Variants in GALNTL6 observed in about 807,000 individuals in gnomAD.
The protein encoded by GALNTL6 is polypeptide N-acetylgalactosaminyltransferase like 6.
Under a neutral mutation model 73.7 loss-of-function variants are expected in GALNTL6, and 46 were observed. The observed-to-expected ratio is 0.62, with a 90% CI of 0.49 to 0.80. GALNTL6 has a LOEUF of 0.80. Ranked by LOEUF, GALNTL6 falls within the 30% of genes least tolerant of loss-of-function variation. GALNTL6 has a pLI of 0.00. For missense variants in GALNTL6, 604 were observed against 755.0 expected, an observed-to-expected ratio of 0.80 and a Z score of 2.34; for synonymous variants, 259 against 263.7, an observed-to-expected ratio of 0.98 and a Z score of 0.17.
intron 2 of GALNTL6, among the ~76,000 whole-genome samples, chr4:172,010,579 T>C (rs1740976507): frequency 8.7e-6 from 1 of 115,588 alleles, no homozygotes; most frequent in Non-Finnish European, 1.8e-5. Flanking sequence ...AGAATGCATT[T>C]GCTATTATTA....
intron 5 of GALNTL6, among the ~76,000 whole-genome samples, chr4:172,803,943 A>G (rs1045198118): frequency 2.6e-5 from 4 of 152,170 alleles, no homozygotes; most frequent in Admixed American, 1.3e-4. Context: ...ATGCTATCAA[A>G]AGGGACTGAT....
At chr4:172,369,053 G>C (rs897094182) in intron 5 of GALNTL6, among the ~76,000 whole-genome samples, 1 of 152,150 alleles carries the variant, frequency 6.6e-6, no homozygotes, top group Non-Finnish European at 1.5e-5. Flanking sequence ...TGCCACTGCA[G>C]GCTCAGGCAG....
chr4:172,675,445 G>T (rs1263701141), intron 5 of GALNTL6, among the ~76,000 whole-genome samples: 1 of 152,230 alleles, frequency 6.6e-6, no homozygotes, highest in African/African-American at 2.4e-5. Flanking sequence ...CAATGCAGCT[G>T]CTGGGGGCAG....
At chr4:172,640,903 G>A (rs1001493779) in intron 5 of GALNTL6, among the ~76,000 whole-genome samples, 10 of 151,956 alleles carry the variant, frequency 6.6e-5, no homozygotes, top group African/African-American at 2.4e-4. Context: ...TCATATATAT[G>A]ATAGTTTTAA....
chr4:172,963,615 A>ACCTG (rs1217164422), intron 10 of GALNTL6, among the ~76,000 whole-genome samples: 1 of 152,134 alleles, frequency 6.6e-6, no homozygotes, highest in African/African-American at 2.4e-5. Context: ...CTGTTGTCCC[A>ACCTG]CCTGCCATTC....
chr4:172,763,553 T>C (rs1309836423), intron 5 of GALNTL6, among the ~76,000 whole-genome samples: 1 of 152,222 alleles, frequency 6.6e-6, no homozygotes, highest in Non-Finnish European at 1.5e-5. Flanking sequence ...ATGAACTAAG[T>C]AGACGAATAA....
chr4:172,339,837 A>G (rs1182187715), intron 4 of GALNTL6, among the ~76,000 whole-genome samples: 2 of 152,152 alleles, frequency 1.3e-5, no homozygotes, highest in Non-Finnish European at 2.9e-5. Flanking sequence ...CTGTTTGCAC[A>G]TGGTCTTCTT....
intron 2 of GALNTL6, among the ~76,000 whole-genome samples, chr4:171,908,523 G>A (rs561916185): frequency 6.6e-6 from 1 of 152,116 alleles, no homozygotes; most frequent in Non-Finnish European, 1.5e-5. Context: ...TGGAGAAATA[G>A]GAACACTTTT....
At chr4:172,991,215 T>A (rs1399622560) in intron 10 of GALNTL6, among the ~76,000 whole-genome samples, 1 of 152,200 alleles carries the variant, frequency 6.6e-6, no homozygotes, top group Non-Finnish European at 1.5e-5. Context: ...CAAGATCCAA[T>A]AAAGACAGTA....
chr4:171,986,820 A>C (rs1740107442), intron 2 of GALNTL6, among the ~76,000 whole-genome samples: 1 of 152,184 alleles, frequency 6.6e-6, no homozygotes, highest in African/African-American at 2.4e-5. Context: ...CTGATTAGAG[A>C]GTGCCTAAGG....
intron 7 of GALNTL6, among the ~76,000 whole-genome samples, chr4:172,867,536 CT>C (rs1744722037): frequency 6.6e-6 from 1 of 152,202 alleles, no homozygotes; most frequent in South Asian, 2.1e-4. Context: ...TGAAATCTTC[CT>C]GGTGTTGCTG....
intron 2 of GALNTL6, among the ~76,000 whole-genome samples, chr4:171,996,046 G>A (rs2110747920): frequency 6.6e-6 from 1 of 152,044 alleles, no homozygotes; most frequent in Middle Eastern, 3.4e-3. Context: ...CCTCTTACGA[G>A]CCCATTCCTG....
intron 11 of GALNTL6, among the ~76,000 whole-genome samples, chr4:173,017,763 G>A (rs1347425648): frequency 6.6e-6 from 1 of 152,140 alleles, no homozygotes; most frequent in Non-Finnish European, 1.5e-5. Flanking sequence ...ACTACAATAC[G>A]CAGAAACAAG....
intron 7 of GALNTL6, among the ~76,000 whole-genome samples, chr4:172,843,767 A>G (rs1021725387): frequency 2.3e-4 from 35 of 152,262 alleles, no homozygotes; most frequent in Non-Finnish European, 5.1e-4. Flanking sequence ...CCATTTAAAA[A>G]TAATGGTCAA....
At chr4:171,819,577 A>AT (rs1734629452) in intron 2 of GALNTL6, among the ~76,000 whole-genome samples, 1 of 152,064 alleles carries the variant, frequency 6.6e-6, no homozygotes, top group African/African-American at 2.4e-5. Context: ...AAAGGATTGA[A>AT]TTTTTTTGTT....
chr4:171,991,781 A>G (rs1041194359), intron 2 of GALNTL6, among the ~76,000 whole-genome samples: 1 of 145,820 alleles, frequency 6.9e-6, no homozygotes. Context: ...TATATATATG[A>G]TTATGTATAT....
intron 2 of GALNTL6, among the ~76,000 whole-genome samples, chr4:171,892,755 G>T (rs1051186116): frequency 6.6e-6 from 1 of 151,960 alleles, no homozygotes; most frequent in Non-Finnish European, 1.5e-5. Flanking sequence ...GTATAGACGA[G>T]GTCTTGCTGT....
At chr4:171,990,841 A>G (rs115131209) in intron 2 of GALNTL6, among the ~76,000 whole-genome samples, 5 of 152,326 alleles carry the variant, frequency 3.3e-5, no homozygotes, top group Admixed American at 2.6e-4. Flanking sequence ...TTGAAAGCAA[A>G]TATTGTTTTA....
chr4:172,398,278 A>G (rs1561064731), intron 5 of GALNTL6, among the ~76,000 whole-genome samples: 1 of 152,234 alleles, frequency 6.6e-6, no homozygotes, highest in Admixed American at 6.5e-5. Context: ...TGACTTAAGA[A>G]GTGATCTTGA....
Sources: allele counts gnomAD v4.1 joint callset (sites outside exome capture counted in the v4.1 genomes callset), GRCh38; gene constraint gnomAD v4.1.1; transcripts MANE v1.5; gene names NCBI Gene and HGNC (gene_info 2026-07-23, HGNC 2026-07-21).